MED12L: variants seen among roughly 807,000 people sequenced by gnomAD.
MED12L encodes the protein mediator complex subunit 12L.
Under a neutral mutation model 281.3 loss-of-function variants are expected in MED12L, and 60 were observed. The observed-to-expected ratio is 0.21, with a 90% confidence interval of 0.17 to 0.26. MED12L has a LOEUF of 0.26. MED12L is among the 10% of genes least tolerant of loss of function. The pLI, the probability that MED12L is intolerant of heterozygous loss-of-function variation, is 1.00. For missense variants in MED12L, 2,146 were observed against 2,680.9 expected (o/e 0.80, Z 4.41); for synonymous variants, 974 against 987.2 (o/e 0.99, Z 0.25).
At chr3:151,255,417 G>A (rs984863501) in intron 16 of MED12L, among the ~76,000 whole-genome samples, 2 of 151,906 alleles carry the variant, frequency 1.3e-5, no homozygotes, top group African/African-American at 4.8e-5. Context: ...GAAAGTCCAC[G>A]GCAGTTAAAT....
At chr3:151,386,583 T>TTG (rs1395240173) in intron 36 of MED12L, among the ~76,000 whole-genome samples, 15 of 150,010 alleles carry the variant, frequency 1.0e-4, no homozygotes, top group Non-Finnish European at 2.1e-4. Flanking sequence ...TCTTTGTTTT[T>TTG]TTTTTTTTTT....
chr3:151,269,047 C>T (rs979802366), intron 16 of MED12L, among the ~76,000 whole-genome samples: 2 of 152,108 alleles, frequency 1.3e-5, no homozygotes, highest in Non-Finnish European at 2.9e-5. Flanking sequence ...AGACATTGGC[C>T]TCTCTGGGCT....
intron 16 of MED12L, among the ~76,000 whole-genome samples, chr3:151,329,302 C>T (rs1450298960): frequency 2.0e-5 from 3 of 152,174 alleles, no homozygotes; most frequent in Non-Finnish European, 4.4e-5. Context: ...AAACAAAACA[C>T]TGTTTAAGAG....
At chr3:151,283,291 C>G (rs773695176) in intron 16 of MED12L, among the ~76,000 whole-genome samples, 2 of 152,206 alleles carry the variant, frequency 1.3e-5, no homozygotes, top group Non-Finnish European at 2.9e-5. Flanking sequence ...TTCTGTATTG[C>G]TAGCATTAGA....
At chr3:151,121,453 A>C (rs1254071449) in intron 3 of MED12L, among the ~76,000 whole-genome samples, 3 of 152,244 alleles carry the variant, frequency 2.0e-5, no homozygotes, top group African/African-American at 7.2e-5. Flanking sequence ...AATTTGGCTA[A>C]TGGCTTACAA....
At chr3:151,351,735 T>G (rs1753260607) in intron 17 of MED12L, among the ~76,000 whole-genome samples, 2 of 152,162 alleles carry the variant, frequency 1.3e-5, no homozygotes, top group African/African-American at 4.8e-5. Flanking sequence ...TTATCTAAAT[T>G]ATTTTTAGAG....
At chr3:151,364,169 A>G (rs1020782171) in intron 21 of MED12L, among the ~76,000 whole-genome samples, 1 of 152,198 alleles carries the variant, frequency 6.6e-6, no homozygotes, top group East Asian at 1.9e-4. Context: ...GGCTAAGTTT[A>G]TATAGAATCT....
At chr3:151,115,603 T>C (rs1712645552) in intron 2 of MED12L, among the ~76,000 whole-genome samples, 1 of 151,638 alleles carries the variant, frequency 6.6e-6, no homozygotes, top group South Asian at 2.1e-4. Flanking sequence ...TGCCTTGGCC[T>C]CCCAAAGTGC....
chr3:151,370,710 T>G (rs1756069409), intron 26 of MED12L, among the ~76,000 whole-genome samples: 2 of 152,164 alleles, frequency 1.3e-5, no homozygotes, highest in Non-Finnish European at 2.9e-5. Flanking sequence ...ACCATAGAGA[T>G]AGGGACTGGC....
At chr3:151,219,111 G>A (rs1728819057) in intron 16 of MED12L, among the ~76,000 whole-genome samples, 1 of 152,150 alleles carries the variant, frequency 6.6e-6, no homozygotes, top group Non-Finnish European at 1.5e-5. Context: ...TGTAGTGGGA[G>A]CATTGTGTAG....
In MED12L at chr3:151,299,426, C is replaced by T. The variant is rs546180677; in HGVS notation, c.2251-50633C>T. Among the ~76,000 whole-genome samples the T allele has an allele frequency of 9.7e-5, 11 of 113,668 alleles. No individual in the cohort carries two copies. In the East Asian group the frequency reaches 2.0e-3, roughly 20 times the overall value. The allele number at this position is 113,668 out of a possible 152,430, so 74.6% of individuals were successfully genotyped here. On this transcript the variant is annotated intron_variant, in intron 16 of 44. Coordinates refer to ENST00000687756, the MANE Select transcript of MED12L (RefSeq NM_001393769.1). ...CCCTCCCCTCCCCTCCCCTCCCCCT[C>T]CTCTCCTCTCTTTTCTTTTCTTTTC...
chr3:151,397,436 G>A (rs899474611), intron 39 of MED12L, among the ~76,000 whole-genome samples: 3 of 152,208 alleles, frequency 2.0e-5, no homozygotes, highest in Admixed American at 2.0e-4. Context: ...AGATTTGCAT[G>A]TAGCATCCGT....
At chr3:151,242,089 G>A (rs1322895458) in intron 16 of MED12L, among the ~76,000 whole-genome samples, 4 of 152,320 alleles carry the variant, frequency 2.6e-5, no homozygotes, top group South Asian at 2.1e-4. Flanking sequence ...GGGGCACCAC[G>A]AGATTATATC....
chr3:151,418,257 C>A (rs187801700), intron 43 of MED12L, among the ~76,000 whole-genome samples: 9 of 151,936 alleles, frequency 5.9e-5, no homozygotes, highest in Admixed American at 2.0e-4. Context: ...CAAAGATATT[C>A]TTTTATAAAA....
chr3:151,232,032 G>C (rs1731777674), intron 16 of MED12L, among the ~76,000 whole-genome samples: 5 of 151,998 alleles, frequency 3.3e-5, no homozygotes, highest in Admixed American at 3.3e-4. Context: ...TTTGAGGGAA[G>C]GGTCCTGTGC....
In MED12L at chr3:151,292,052, C is replaced by T. The variant is rs926153491; in HGVS notation, c.2251-58007C>T. 3.9e-5 allele frequency among the ~76,000 whole-genome samples: 6 copies of T among 152,070 alleles called. 1 individual carries two copies. The highest frequency in any genetic ancestry group is 3.9e-4 in the Admixed American group (6 of 15,258). ...TTTTAAAGACCTCTTAGAATTGAGGCCTGAATGAAAGGATTAAATGAGATA... is the reference window on the plus strand; with the variant it reads ...TTTTAAAGACCTCTTAGAATTGAGGTCTGAATGAAAGGATTAAATGAGATA... On this transcript the variant is annotated intron_variant, in intron 16 of 44. Transcript: ENST00000687756.
chr3:151,254,487 A>G (rs1241313344), intron 16 of MED12L, among the ~76,000 whole-genome samples: 1 of 152,202 alleles, frequency 6.6e-6, no homozygotes. Flanking sequence ...CCATTTTCCC[A>G]TTTATAATTA....
At chr3:151,096,390 C>T (rs1266620829) in intron 2 of MED12L, among the ~76,000 whole-genome samples, 1 of 152,114 alleles carries the variant, frequency 6.6e-6, no homozygotes, top group African/African-American at 2.4e-5. Context: ...CCACACCCAC[C>T]CCCTTTTTTT....
At chr3:151,186,591 C>G (rs1207816505) in intron 12 of MED12L, among the ~76,000 whole-genome samples, 2 of 152,128 alleles carry the variant, frequency 1.3e-5, no homozygotes, top group African/African-American at 4.8e-5. Flanking sequence ...CAGACTGTTC[C>G]CCAGTCTTTG....
Sources: gnomAD v4.1 joint callset for allele counts (sites outside exome capture counted in the v4.1 genomes callset) on GRCh38, gnomAD v4.1.1 for gene constraint, MANE v1.5 for transcripts, NCBI Gene and HGNC (gene_info 2026-07-23, HGNC 2026-07-21) for gene names.